Variants in KIAA0825 observed in about 807,000 individuals in gnomAD.
The protein encoded by KIAA0825 is uncharacterized protein KIAA0825.
Under a neutral mutation model 147.6 loss-of-function variants are expected in KIAA0825, and 119 were observed. That is an observed-to-expected ratio of 0.81 (90% CI 0.69 to 0.94). The LOEUF is 0.94. KIAA0825 is among the 40% of genes least tolerant of loss of function. The pLI is 0.00. For synonymous variants in KIAA0825, 470 were observed against 518.1 expected (o/e 0.91, Z 1.26); for missense variants, 1,381 against 1,472.7 (o/e 0.94, Z 1.02).
intron 20 of KIAA0825, among the ~76,000 whole-genome samples, chr5:94,363,717 A>G (rs796699210): frequency 6.6e-6 from 1 of 151,972 alleles, no homozygotes; most frequent in Non-Finnish European, 1.5e-5. Flanking sequence ...TTTTTTTAAA[A>G]ACTAACCAGG....
intron 14 of KIAA0825, among the ~76,000 whole-genome samples, chr5:94,437,343 G>T (rs925013441): frequency 3.3e-5 from 5 of 152,162 alleles, no homozygotes; most frequent in African/African-American, 9.7e-5. Flanking sequence ...CAATTGATCA[G>T]TAAATTCAGT....
chr5:94,523,807 A>G, intron 4 of KIAA0825, 123 bp downstream of exon 4: 1 of 542,674 alleles, frequency 1.8e-6, no homozygotes. Flanking sequence ...ACATAAAAAC[A>G]CAAACCCCTA....
chr5:94,297,295 A>G (rs1463752289), intron 20 of KIAA0825, among the ~76,000 whole-genome samples: 1 of 152,208 alleles, frequency 6.6e-6, no homozygotes, highest in African/African-American at 2.4e-5. Context: ...ATTCAAAATA[A>G]CATATGATAG....
chr5:94,196,838 T>C (rs562437634), intron 20 of KIAA0825, among the ~76,000 whole-genome samples: 1 of 152,370 alleles, frequency 6.6e-6, no homozygotes, highest in Admixed American at 6.5e-5. Context: ...ATAGTGTATA[T>C]GTACCACATT....
At chr5:94,199,796 C>A (rs1365266273) in intron 20 of KIAA0825, among the ~76,000 whole-genome samples, 1 of 152,030 alleles carries the variant, frequency 6.6e-6, no homozygotes, top group Non-Finnish European at 1.5e-5. Context: ...CAGCAAAGTG[C>A]GCACCAGTGG....
chr5:94,326,386 C>T (rs1466448972), intron 20 of KIAA0825, among the ~76,000 whole-genome samples: 9 of 152,030 alleles, frequency 5.9e-5, no homozygotes, highest in African/African-American at 9.7e-5. Flanking sequence ...AGTGCTTCTA[C>T]GAAGCATTTA....
intron 20 of KIAA0825, among the ~76,000 whole-genome samples, chr5:94,326,022 A>G (rs1265310897): frequency 6.6e-6 from 1 of 152,110 alleles, no homozygotes; most frequent in Non-Finnish European, 1.5e-5. Context: ...AAAAATGACA[A>G]GTATAAAATT....
chr5:94,218,446 A>G (rs1251020274), intron 20 of KIAA0825, among the ~76,000 whole-genome samples: 4 of 152,204 alleles, frequency 2.6e-5, no homozygotes, highest in Non-Finnish European at 2.9e-5. Context: ...ATTTCCAATA[A>G]CCATGATAGT....
At chr5:94,306,298 C>A (rs1778727851) in intron 20 of KIAA0825, among the ~76,000 whole-genome samples, 1 of 151,672 alleles carries the variant, frequency 6.6e-6, no homozygotes, top group Non-Finnish European at 1.5e-5. Flanking sequence ...TAGAGCTGTC[C>A]AGACCAGTAA....
Position 94,520,233 on chromosome 5 carries a change from T to A in KIAA0825, c.970+15A>T, listed in dbSNP as rs200109174. The stretch of plus-strand genomic sequence containing the variant: ...ACTTAAGTTAAACCAAACAAAAATT[T>A]TAAATGTCACTAACCCAAAGCATGC... On this transcript the variant is annotated intron_variant, in intron 5 of 20. Coordinates refer to ENST00000682413, the MANE Select transcript of KIAA0825 (RefSeq NM_001145678.3). The A allele has an allele frequency of 6.4e-7, 1 of 1,550,772 alleles. No homozygotes were observed. The highest frequency in any genetic ancestry group is 1.4e-5 in the African/African-American group (1 of 72,282).
intron 15 of KIAA0825, among the ~76,000 whole-genome samples, chr5:94,408,142 A>G (rs1752308225): frequency 6.6e-6 from 1 of 152,166 alleles, no homozygotes; most frequent in African/African-American, 2.4e-5. Context: ...ATGGTTTGCC[A>G]ACTTCTAGTT....
chr5:94,198,416 T>A lies in KIAA0825; in HGVS notation c.3711-44292A>T, dbSNP rs867308678. Among the ~76,000 whole-genome samples the A allele has an allele frequency of 3.6e-3, 508 of 139,566 alleles. 2 individuals carry two copies. Among genetic ancestry groups the A allele is most frequent in the Non-Finnish European group, 5.4e-3 (356 of 65,746 alleles). 91.6% of individuals were successfully genotyped at this position (139,566 alleles called of 152,430 possible). ...TGTCTGCAAAGAGAGAGAGTTTAAA[T>A]TTTTTTTTTTTTTAAATTTTTGTCT... On this transcript the variant is annotated intron_variant, in intron 20 of 20. Transcript: ENST00000682413.
chr5:94,608,859 T>G (rs1788156773), intron 1 of KIAA0825, among the ~76,000 whole-genome samples: 1 of 152,020 alleles, frequency 6.6e-6, no homozygotes, highest in African/African-American at 2.4e-5. Flanking sequence ...CTGGTGATAT[T>G]AACTAATGGG....
chr5:94,464,287 T>A (rs1490520450), intron 11 of KIAA0825, among the ~76,000 whole-genome samples: 1 of 152,186 alleles, frequency 6.6e-6, no homozygotes, highest in African/African-American at 2.4e-5. Flanking sequence ...TAGAATTCAG[T>A]CTTATTTAAT....
chr5:94,483,761 T>C (rs1762744743), intron 6 of KIAA0825, among the ~76,000 whole-genome samples: 1 of 151,770 alleles, frequency 6.6e-6, no homozygotes, highest in South Asian at 2.1e-4. Context: ...TAAAACAAAA[T>C]CCAACCCTAT....
At chr5:94,570,296 C>T (rs574669967) in intron 2 of KIAA0825, 1 of 153,326 alleles carries the variant, frequency 6.5e-6, no homozygotes, top group African/African-American at 2.4e-5. Context: ...CCTGGGCGAC[C>T]CAGACAACTA....
chr5:94,597,523 A>G (rs1474804322), intron 1 of KIAA0825, among the ~76,000 whole-genome samples: 1 of 152,194 alleles, frequency 6.6e-6, no homozygotes, highest in Non-Finnish European at 1.5e-5. Flanking sequence ...AGTGTTTGAA[A>G]GTAATTAATA....
chr5:94,331,060 C>A (rs1322760261), intron 20 of KIAA0825, among the ~76,000 whole-genome samples: 1 of 151,538 alleles, frequency 6.6e-6, no homozygotes, highest in East Asian at 1.9e-4. Context: ...ATCGCTGGAA[C>A]CTGGGAGGCA....
At chr5:94,325,335 C>T (rs1584119012) in intron 20 of KIAA0825, among the ~76,000 whole-genome samples, 1 of 151,748 alleles carries the variant, frequency 6.6e-6, no homozygotes, top group African/African-American at 2.4e-5. Flanking sequence ...CATTTAATTC[C>T]AAGTGGGAAT....
Sources: allele counts gnomAD v4.1 joint callset (sites outside exome capture counted in the v4.1 genomes callset), GRCh38; gene constraint gnomAD v4.1.1; transcripts MANE v1.5; gene names NCBI Gene and HGNC (gene_info 2026-07-23, HGNC 2026-07-21).